Variants in SPTBN5 observed in about 807,000 individuals in gnomAD.
SPTBN5 encodes the protein spectrin beta chain, non-erythrocytic 5.
A neutral mutation model predicts 477.6 loss-of-function variants in SPTBN5; 513 were observed. That is an observed-to-expected ratio of 1.07 (90% CI 1.00 to 1.16). The LOEUF (loss-of-function observed/expected upper bound fraction) is 1.16. SPTBN5 is among the 50% of genes most tolerant of loss of function. SPTBN5 has a pLI of 0.00. For missense variants in SPTBN5, 5,062 were observed against 4,731.8 expected (o/e 1.07, Z -2.05); for synonymous variants, 2,169 against 2,011.7 (o/e 1.08, Z -2.09).
In SPTBN5 at chr15:41,888,005, G is replaced by A. The variant is rs371173953; in HGVS notation, c.582C>T (p.Tyr194=). ...LVWCQRKTAS[Y]TNVNITDFSR... Reference sequence around the variant, plus strand: ...AGAAATCTGTAATGTTCACGTTGGTGTAGCTGGCTGTCTTCCGCTGGCACC... The same window carrying A: ...AGAAATCTGTAATGTTCACGTTGGTATAGCTGGCTGTCTTCCGCTGGCACC... Residue 194 remains tyrosine (Y), a synonymous_variant, in exon 5 of 68, where the codon TAC becomes TAT. Transcript: ENST00000320955. 107 of 1,599,844 alleles carry A rather than the reference G, an allele frequency of 6.7e-5. No homozygotes were observed. Among genetic ancestry groups the A allele is most frequent in the Non-Finnish European group, 7.7e-5 (90 of 1,173,658 alleles).
At chr15:41,888,378 G>T (rs145926954) in intron 4 of SPTBN5, among the ~76,000 whole-genome samples, 13 of 152,248 alleles carry the variant, frequency 8.5e-5, no homozygotes, top group African/African-American at 2.4e-4. Context: ...AACAGCTCCC[G>T]TTTTTTGAGC....
At chr15:41,876,759 A>C (rs755274955) in intron 19 of SPTBN5, 50 bp downstream of exon 19, 70 of 1,606,694 alleles carry the variant, frequency 4.4e-5, no homozygotes, top group Non-Finnish European at 5.6e-5. Context: ...CCGTCTGTGC[A>C]GGCTGAGAAA....
intron 56 of SPTBN5, 25 bp downstream of exon 56, chr15:41,854,757 C>T (rs768342844): frequency 6.8e-7 from 1 of 1,475,004 alleles, no homozygotes; most frequent in South Asian, 1.5e-5. Context: ...CACCCCTTAG[C>T]TTGGCCCGGC....
chr15:41,885,742 C>A lies in SPTBN5; in HGVS notation c.1513G>T (p.Ala505Ser). The A allele has an allele frequency of 6.4e-7, 1 of 1,554,704 alleles. No homozygotes were observed. The highest frequency in any genetic ancestry group is 8.7e-7 in the Non-Finnish European group (1 of 1,149,378). The change falls in exon 7 of 68, where the codon GCC (alanine) becomes TCC (serine). Residue 505 changes from alanine to serine, a missense_variant. By Grantham distance (99) the Ala-to-Ser change is moderately conservative. Coordinates refer to ENST00000320955, the MANE Select transcript of SPTBN5 (RefSeq NM_016642.4). ...QEQYHSWADV[A>S]RRQEEVTVRW... Reference sequence around the variant, plus strand: ...TCATGTGCTGGGGCTCACCTGCGGGCCACATCTGCCCAGCTGTGGTACTGC... The same window carrying A: ...TCATGTGCTGGGGCTCACCTGCGGGACACATCTGCCCAGCTGTGGTACTGC...
intron 35 of SPTBN5, 96 bp downstream of exon 35, chr15:41,867,442 T>G: frequency 4.2e-6 from 5 of 1,195,854 alleles, no homozygotes; most frequent in Non-Finnish European, 6.2e-6. Context: ...TCATCAGCAC[T>G]GCCTCCAGGA....
rs745827743 is a variant in SPTBN5, at chr15:41,875,528, C to A, written c.4217G>T (p.Arg1406Leu). 1 of 1,611,716 alleles carries A rather than the reference C, an allele frequency of 6.2e-7. No individual in the cohort carries two copies. The change falls in exon 22 of 68, where the codon CGC becomes CTC. Residue 1406 changes from arginine to leucine, a missense_variant. Transcript: ENST00000320955. The part of the protein sequence containing the change: ...GLRSKWEALN[R>L]KMTERGDELQ... ...CTCGTCCCCACGCTCAGTCATCTTG[C>A]GGTTCAAAGCTTCCCACTTGCTTCT... is the stretch of plus-strand genomic sequence containing the variant.
Position 41,882,140 on chromosome 15 carries a change from G to C in SPTBN5, c.2253C>G (p.Phe751Leu). 1 of 1,571,660 alleles carries C rather than the reference G, an allele frequency of 6.4e-7. No individual in the cohort carries two copies. Among genetic ancestry groups the C allele is most frequent in the Non-Finnish European group, 8.5e-7 (1 of 1,169,744 alleles). ...ACGAAGCCGCCTCCGCCGCGTCCGC[G>C]AAGTACTGTGGGAGGGGGTCGGGGG... ...LQTALLVLQY[F>L]ADAAEAASWL... The change falls in exon 12 of 68, where the codon TTC (phenylalanine) becomes TTG (leucine). Residue 751 changes from phenylalanine (F) to leucine (L), a missense_variant. Transcript: ENST00000320955.
At chr15:41,871,279 C>A in intron 29 of SPTBN5, 96 bp downstream of exon 29, 1 of 1,294,772 alleles carries the variant, frequency 7.7e-7, no homozygotes, top group Non-Finnish European at 9.9e-7. Context: ...GCCAGTGTGG[C>A]CCTCACAGCA....
At chr15:41,857,086 C>A in intron 51 of SPTBN5, 47 bp from the exon 52 acceptor site, 1 of 1,563,514 alleles carries the variant, frequency 6.4e-7, no homozygotes, top group Non-Finnish European at 8.7e-7. Flanking sequence ...ACCAGGGTGT[C>A]AGTATTAGGG....
chr15:41,875,054 A>C lies in SPTBN5; in HGVS notation c.4290T>G (p.Asp1430Glu). The C allele has an allele frequency of 6.2e-7, 1 of 1,609,468 alleles. No homozygotes were observed. Among genetic ancestry groups the C allele is most frequent in the Non-Finnish European group, 8.5e-7 (1 of 1,177,238 alleles). Residue 1430 changes from aspartate (D) to glutamate (E), a missense_variant and splice_region_variant, in exon 23 of 68, where the codon GAT becomes GAG. By Grantham distance (45) the Asp-to-Glu change is conservative (BLOSUM62 2). Coordinates refer to ENST00000320955, the MANE Select transcript of SPTBN5 (RefSeq NM_016642.4). Reference sequence around the variant, plus strand: ...CGAGCTGCTCCAGCTGCTCCTTTGCATCCTGGGAGGGACGCATGGAGCTGC... The same window carrying C: ...CGAGCTGCTCCAGCTGCTCCTTTGCCTCCTGGGAGGGACGCATGGAGCTGC... The part of the protein sequence containing the change: ...QQEQLLRQLQ[D>E]AKEQLEQLEG...
rs200440432 is a variant in SPTBN5 at position 41,881,252 on chromosome 15, G to A, written c.2458-18C>T. 6.3e-7 allele frequency: 1 copy of A among 1,587,678 alleles called. No individual in the cohort carries two copies. The highest frequency in any genetic ancestry group is 8.6e-7 in the Non-Finnish European group (1 of 1,168,098). Reference sequence around the variant, plus strand: ...GAGTTCACCTGTGTGACAAAGGGCAGCGCGTCTACAGGCGACCCCATCAAG... The same window carrying A: ...GAGTTCACCTGTGTGACAAAGGGCAACGCGTCTACAGGCGACCCCATCAAG... On this transcript the variant is annotated intron_variant, in intron 12 of 67. Coordinates refer to ENST00000320955, the MANE Select transcript of SPTBN5 (RefSeq NM_016642.4).
In SPTBN5 at chr15:41,849,959, G is replaced by A. The variant is rs927102748; in HGVS notation, c.10922C>T (p.Ala3641Val). The A allele has an allele frequency of 1.3e-6, 2 of 1,586,724 alleles. No individual in the cohort carries two copies. The highest frequency in any genetic ancestry group is 8.6e-7 in the Non-Finnish European group (1 of 1,166,036). ...TTTGAGTTTTGGGCTCAGACTCTGGGCTGCAGAGCAAGGGAATAACCACTG... is the reference window on the plus strand; with the variant it reads ...TTTGAGTTTTGGGCTCAGACTCTGGACTGCAGAGCAAGGGAATAACCACTG... ...SWWRALGSTA[A>V]QSLSPKLKAK... Residue 3641 changes from alanine to valine, a missense_variant and splice_region_variant, in exon 67 of 68, where the codon GCC (alanine) becomes GTC (valine). By Grantham distance (64) the Ala-to-Val change is moderately conservative. Transcript: ENST00000320955.
rs1421523844 is a variant in SPTBN5 at position 41,856,874 on chromosome 15, C to T, written c.8787G>A (p.Arg2929=). 1.3e-6 allele frequency: 2 copies of T among 1,549,342 alleles called. No homozygotes were observed. Among genetic ancestry groups the T allele is most frequent in the South Asian group, 2.4e-5 (2 of 84,060 alleles). ...QDYGQSLSAV[R]HLQEQHQNLE... is the part of the protein sequence containing the mutation. ...ACACCTGGTGCTGCTCCTGCAGGTG[C>T]CGCACCGCACTCAGGCTCTGGCCAT... is the stretch of plus-strand genomic sequence containing the variant. Residue 2929 remains arginine (R), a synonymous_variant, in exon 52 of 68, where the codon CGG becomes CGA. Coordinates refer to ENST00000320955, the MANE Select transcript of SPTBN5 (RefSeq NM_016642.4).
intron 3 of SPTBN5, among the ~76,000 whole-genome samples, chr15:41,892,546 T>C (rs1165106795): frequency 6.6e-6 from 1 of 152,220 alleles, no homozygotes; most frequent in Non-Finnish European, 1.5e-5. Context: ...TGGTAAATAA[T>C]TCAGGGCCTC....
chr15:41,850,074 CT>C, intron 66 of SPTBN5, 115 bp from the exon 67 acceptor site: 3 of 885,092 alleles, frequency 3.4e-6, no homozygotes, highest in South Asian at 1.4e-5. Context: ...GGCAGCCTGG[CT>C]ATGCCAGGCC....
chr15:41,893,070 G>A lies in SPTBN5; in HGVS notation c.217-9C>T. 6.8e-6 allele frequency: 11 copies of A among 1,609,524 alleles called. No individual in the cohort carries two copies. The highest frequency in any genetic ancestry group is 9.3e-6 in the Non-Finnish European group (11 of 1,179,482). On this transcript the variant is annotated splice_polypyrimidine_tract_variant and intron_variant, in intron 2 of 67. Transcript: ENST00000320955. ...CGGATCTTGATGCCCGCCTGGGGAG[G>A]GGACAGGGGTAAGTATGGGGTCAGC...
At chr15:41,886,762 C>T (rs1437152345) in intron 6 of SPTBN5, among the ~76,000 whole-genome samples, 1 of 152,224 alleles carries the variant, frequency 6.6e-6, no homozygotes, top group East Asian at 1.9e-4. Context: ...AGATACCCAC[C>T]TTGAGAAGAG....
At chr15:41,877,024 G>A (rs956608474) in intron 18 of SPTBN5, 76 bp from the exon 19 acceptor site, 5 of 1,589,350 alleles carry the variant, frequency 3.1e-6, no homozygotes, top group Non-Finnish European at 4.3e-6. Flanking sequence ...TGCCCCAGGG[G>A]CCTCCTGCCC....
Position 41,860,730 on chromosome 15 carries a change from A to C in SPTBN5, c.7844T>G (p.Leu2615Arg). 1.3e-6 allele frequency: 2 copies of C among 1,599,404 alleles called. No homozygotes were observed. Among genetic ancestry groups the C allele is most frequent in the Non-Finnish European group, 1.7e-6 (2 of 1,173,818 alleles). ...CCACTCCAGCATCTTGTGCTTCCACAGAAGGGGCTCCATGGGGGCCAAGGG... is the reference window on the plus strand; with the variant it reads ...CCACTCCAGCATCTTGTGCTTCCACCGAAGGGGCTCCATGGGGGCCAAGGG... ...WDPLAPMEPL[L>R]WKHKMLEWDL... is the part of the protein sequence containing the mutation. The change falls in exon 47 of 68, where the codon CTG becomes CGG. Residue 2615 changes from leucine (L) to arginine (R), a missense_variant. Leu to Arg is a moderately radical substitution (Grantham distance 102). Transcript: ENST00000320955.
Sources: allele counts gnomAD v4.1 joint callset (sites outside exome capture counted in the v4.1 genomes callset), GRCh38; gene constraint gnomAD v4.1.1; transcripts MANE v1.5; gene names NCBI Gene and HGNC (gene_info 2026-07-23, HGNC 2026-07-21).